PCDHA13: variants seen among roughly 807,000 people sequenced by gnomAD.
PCDHA13 encodes the protein protocadherin alpha 13, also known as protocadherin alpha-13.
In PCDHA13, 54 loss-of-function variants were observed where a neutral mutation model predicts 64.8. The ratio of observed to expected loss-of-function variants is 0.83; its 90% CI spans 0.67 to 1.04. PCDHA13 has a LOEUF of 1.04. Among genes scored for constraint, PCDHA13 ranks in the 50% least tolerant of loss-of-function variants. PCDHA13 has a pLI of 0.00. For missense variants in PCDHA13, 1,248 were observed against 1,254.3 expected (o/e 0.99, Z 0.08); for synonymous variants, 587 against 564.4 (o/e 1.04, Z -0.57).
In PCDHA13 at chr5:140,882,267, C is replaced by A; in HGVS notation, c.-2C>A. ...ATAGCTCTGAGGTTTTTGGAGTGTA[C>A]CATGCTGTCTTCCTGGCAAGGAGGC... On this transcript the variant is annotated 5_prime_UTR_variant, in exon 1 of 4. Coordinates refer to ENST00000289272, the MANE Select transcript of PCDHA13 (RefSeq NM_018904.3). 6.2e-7 allele frequency: 1 copy of A among 1,610,288 alleles called. No homozygotes were observed. Among genetic ancestry groups the A allele is most frequent in the Non-Finnish European group, 8.5e-7 (1 of 1,177,774 alleles).
intron 3 of PCDHA13, among the ~76,000 whole-genome samples, chr5:140,985,795 A>G (rs2097171299): frequency 7.3e-6 from 1 of 136,386 alleles, no homozygotes; most frequent in African/African-American, 2.8e-5. Context: ...GCTGGAGTGC[A>G]GTGGCACGAT....
chr5:140,888,263 A>G (rs1251792046), intron 1 of PCDHA13, among the ~76,000 whole-genome samples: 1 of 152,136 alleles, frequency 6.6e-6, no homozygotes, highest in East Asian at 1.9e-4. Flanking sequence ...GTTCTTGATA[A>G]GAAACAGTTT....
chr5:140,928,843 A>T (rs782153694), intron 1 of PCDHA13: 3 of 1,614,018 alleles, frequency 1.9e-6, no homozygotes, highest in Non-Finnish European at 2.5e-6. Flanking sequence ...CTCCTCTGTC[A>T]CTCTGGGTGT....
At chr5:140,887,135 C>T (rs2061323683) in intron 1 of PCDHA13, among the ~76,000 whole-genome samples, 1 of 150,802 alleles carries the variant, frequency 6.6e-6, no homozygotes, top group Non-Finnish European at 1.5e-5. Context: ...CTCACTCTGT[C>T]GCCCAGGCTG....
chr5:140,928,007 ATGG>A (rs1183344805), intron 1 of PCDHA13: 2 of 1,613,998 alleles, frequency 1.2e-6, no homozygotes, highest in Non-Finnish European at 1.7e-6. Context: ...CTCGATTCTA[ATGG>A]TAGGGTCATT....
At chr5:140,893,951 T>TTA (rs2064251628) in intron 1 of PCDHA13, among the ~76,000 whole-genome samples, 1 of 152,184 alleles carries the variant, frequency 6.6e-6, no homozygotes, top group Admixed American at 6.5e-5. Context: ...CTGCATGACT[T>TTA]TATTAGTCAT....
chr5:140,927,480 C>T (rs782233621), intron 1 of PCDHA13: 3 of 1,613,976 alleles, frequency 1.9e-6, no homozygotes, highest in African/African-American at 1.3e-5. Context: ...GCGAACAGCG[C>T]GCCACCCACC....
chr5:140,980,598 C>G (rs574589264), intron 2 of PCDHA13, among the ~76,000 whole-genome samples: 1 of 152,152 alleles, frequency 6.6e-6, no homozygotes, highest in South Asian at 2.1e-4. Flanking sequence ...CCACTGCACT[C>G]CAGCCTGGCG....
intron 1 of PCDHA13, among the ~76,000 whole-genome samples, chr5:140,923,505 G>C (rs1281972725): frequency 6.6e-6 from 1 of 152,118 alleles, no homozygotes; most frequent in East Asian, 1.9e-4. Context: ...CTCCAGCCTG[G>C]ATGATGAAGT....
At chr5:140,931,035 C>A (rs2153606811) in intron 1 of PCDHA13, among the ~76,000 whole-genome samples, 1 of 152,250 alleles carries the variant, frequency 6.6e-6, no homozygotes, top group Non-Finnish European at 1.5e-5. Context: ...GTAGAGCTAG[C>A]AAGAAAAACT....
At chr5:140,920,388 T>C (rs1237249131) in intron 1 of PCDHA13, among the ~76,000 whole-genome samples, 1 of 152,214 alleles carries the variant, frequency 6.6e-6, no homozygotes, top group Non-Finnish European at 1.5e-5. Context: ...CATATTACCA[T>C]CTGGTGTCTT....
intron 1 of PCDHA13, among the ~76,000 whole-genome samples, chr5:140,945,587 C>A (rs2093812111): frequency 6.6e-6 from 1 of 152,052 alleles, no homozygotes; most frequent in African/African-American, 2.4e-5. Context: ...TCAAAATATA[C>A]TTCAAAGCTA....
Position 140,917,751 on chromosome 5 carries a change from A to G in PCDHA13, c.2394+33089A>G, listed in dbSNP as rs577892904. On this transcript the variant is annotated intron_variant, in intron 1 of 3. Coordinates refer to ENST00000289272, the MANE Select transcript of PCDHA13 (RefSeq NM_018904.3). ...GTTCTCTAACCTGTCCCATTGGTCT[A>G]TGTGTCTGTTTTTGTATTAGTACCA... is the stretch of plus-strand genomic sequence containing the variant. Among the ~76,000 whole-genome samples the G allele has an allele frequency of 3.7e-4, 56 of 152,178 alleles. 2 individuals are homozygous for G. The highest frequency in any genetic ancestry group is 1.3e-3 in the African/African-American group (55 of 41,522).
intron 1 of PCDHA13, among the ~76,000 whole-genome samples, chr5:140,946,629 T>TATATATATATATATATATAC (rs1367833800): frequency 1.4e-4 from 17 of 123,272 alleles, no homozygotes; most frequent in African/African-American, 5.1e-4. Context: ...TATATATATA[T>TATATATATATATATATATAC]ATACAATGGA....
At chr5:140,950,860 G>A (rs529625926) in intron 1 of PCDHA13, among the ~76,000 whole-genome samples, 25 of 151,860 alleles carry the variant, frequency 1.6e-4, no homozygotes, top group African/African-American at 5.8e-4. Context: ...TCATATTCTT[G>A]TATATTCTAT....
At position 140,882,151 on chromosome 5, in the gene PCDHA13, G is replaced by C. The variant is rs529033742; in HGVS notation, c.-118G>C. The C allele has an allele frequency of 6.7e-7, 1 of 1,503,572 alleles. No individual in the cohort carries two copies. The highest frequency in any genetic ancestry group is 1.4e-5 in the African/African-American group (1 of 71,530). 93.1% of individuals were successfully genotyped at this position (1,503,572 alleles called of 1,614,324 possible). ...TCCTGCAGAAAATATAGCAGAAAGC[G>C]GAATACCTCTTGCGAATCCTTCCGC... On this transcript the variant is annotated 5_prime_UTR_variant, in exon 1 of 4. Coordinates refer to ENST00000289272, the MANE Select transcript of PCDHA13 (RefSeq NM_018904.3).
At chr5:140,938,508 A>G (rs1563167946) in intron 1 of PCDHA13, among the ~76,000 whole-genome samples, 1 of 152,046 alleles carries the variant, frequency 6.6e-6, no homozygotes, top group African/African-American at 2.4e-5. Context: ...AATTTATCAC[A>G]TATTTTCTGT....
rs1401240290 is a variant in PCDHA13 at position 140,883,481 on chromosome 5, T to C, written c.1213T>C (p.Tyr405His). The C allele has an allele frequency of 6.2e-7, 1 of 1,614,166 alleles. No homozygotes were observed. The highest frequency in any genetic ancestry group is 2.2e-5 in the East Asian group (1 of 44,874). ...FKLVSTYKNY[Y>H]SLVLDSALDR... ...GCTGGTGTCCACCTACAAGAACTAC[T>C]ACTCATTAGTGCTGGACAGCGCCCT... Residue 405 changes from tyrosine (Y) to histidine (H), a missense_variant, in exon 1 of 4, where the codon TAC becomes CAC. Physicochemically the swap from Tyr to His is moderately conservative, Grantham distance 83. Coordinates refer to ENST00000289272, the MANE Select transcript of PCDHA13 (RefSeq NM_018904.3).
chr5:140,984,960 CAG>C (rs1387655082), intron 3 of PCDHA13, among the ~76,000 whole-genome samples: 2 of 151,386 alleles, frequency 1.3e-5, no homozygotes, highest in African/African-American at 4.9e-5. Context: ...TTTTTTGAGA[CAG>C]AGTCTCGCTC....
Sources: allele counts gnomAD v4.1 joint callset (sites outside exome capture counted in the v4.1 genomes callset), GRCh38; gene constraint gnomAD v4.1.1; transcripts MANE v1.5; gene names NCBI Gene and HGNC (gene_info 2026-07-23, HGNC 2026-07-21).